EPB41L4A: variants seen among roughly 807,000 people sequenced by gnomAD.
EPB41L4A encodes erythrocyte membrane protein band 4.1 like 4A, also known as band 4.1-like protein 4A.
Under a neutral mutation model 108.6 loss-of-function variants are expected in EPB41L4A, and 100 were observed. The observed-to-expected ratio is 0.92, with a 90% CI of 0.78 to 1.09. The LOEUF is 1.09. Ranked by LOEUF, EPB41L4A falls within the 50% of genes least tolerant of loss-of-function variation. The probability of loss-of-function intolerance (pLI) is 0.00; values close to 1 mark genes in which losing one functional copy is unlikely to be tolerated. For synonymous variants in EPB41L4A, 319 were observed against 289.0 expected (o/e 1.10, Z -1.05); for missense variants, 1,030 against 842.7 (o/e 1.22, Z -2.75).
chr5:112,208,129 C>T (rs1033205598), intron 13 of EPB41L4A, among the ~76,000 whole-genome samples: 1 of 151,114 alleles, frequency 6.6e-6, no homozygotes, highest in African/African-American at 2.4e-5. Flanking sequence ...GCCTGTAGTC[C>T]CAGCTACTTG....
At chr5:112,179,031 A>G (rs982166383) in intron 18 of EPB41L4A, among the ~76,000 whole-genome samples, 3 of 152,076 alleles carry the variant, frequency 2.0e-5, no homozygotes, top group Admixed American at 6.5e-5. Flanking sequence ...TGGTGATATC[A>G]CAACAGATTT....
intron 1 of EPB41L4A, among the ~76,000 whole-genome samples, chr5:112,367,221 C>G (rs534248430): frequency 6.6e-6 from 1 of 152,316 alleles, no homozygotes; most frequent in African/African-American, 2.4e-5. Context: ...AGGCAAGAAC[C>G]TAACTCCTGG....
At chr5:112,309,832 T>C (rs551803222) in intron 1 of EPB41L4A, among the ~76,000 whole-genome samples, 1 of 152,280 alleles carries the variant, frequency 6.6e-6, no homozygotes, top group Non-Finnish European at 1.5e-5. Flanking sequence ...CACCCTTCCC[T>C]CTCACTTGAA....
intron 12 of EPB41L4A, among the ~76,000 whole-genome samples, chr5:112,219,842 C>T (rs773339283): frequency 1.3e-4 from 20 of 152,200 alleles, no homozygotes; most frequent in Admixed American, 2.6e-4. Context: ...ACTACAGATG[C>T]CCACCACCAC....
intron 1 of EPB41L4A, among the ~76,000 whole-genome samples, chr5:112,369,917 G>A (rs146284091): frequency 1.3e-3 from 202 of 152,326 alleles, no homozygotes; most frequent in Non-Finnish European, 2.0e-3. Context: ...CCACCTCTGA[G>A]GTGTAGGTCT....
At chr5:112,213,521 G>T (rs953432228) in intron 12 of EPB41L4A, among the ~76,000 whole-genome samples, 1 of 151,936 alleles carries the variant, frequency 6.6e-6, no homozygotes, top group Non-Finnish European at 1.5e-5. Flanking sequence ...GCTAATTTTT[G>T]TATTTTTAGT....
chr5:112,222,919 C>T (rs1463572468), intron 12 of EPB41L4A, among the ~76,000 whole-genome samples: 1 of 150,658 alleles, frequency 6.6e-6, no homozygotes, highest in South Asian at 2.1e-4. Context: ...CCAAGCAGGG[C>T]ACCTGCTCCA....
At chr5:112,152,581 C>A (rs1456158923) in intron 12 of EPB41L4A, among the ~76,000 whole-genome samples, 1 of 152,146 alleles carries the variant, frequency 6.6e-6, no homozygotes, top group Admixed American at 6.5e-5. Flanking sequence ...CCTCACCAAA[C>A]ACTGTGGCAC....
intron 1 of EPB41L4A, among the ~76,000 whole-genome samples, chr5:112,316,730 A>C (rs1755450992): frequency 6.6e-6 from 1 of 152,254 alleles, no homozygotes; most frequent in African/African-American, 2.4e-5. Context: ...TAAAGCAACA[A>C]GTTGCCTATA....
intron 1 of EPB41L4A, among the ~76,000 whole-genome samples, chr5:112,319,586 T>G (rs1755639754): frequency 6.6e-6 from 1 of 152,042 alleles, no homozygotes; most frequent in African/African-American, 2.4e-5. Flanking sequence ...AAAAAATAGA[T>G]AAGATGAAAT....
intron 1 of EPB41L4A, among the ~76,000 whole-genome samples, chr5:112,340,061 A>C (rs1254841078): frequency 6.6e-6 from 1 of 152,154 alleles, no homozygotes; most frequent in Non-Finnish European, 1.5e-5. Flanking sequence ...GTTCCCTCAT[A>C]TCCAATGCTC....
At chr5:112,247,888 C>T (rs956450146) in intron 9 of EPB41L4A, among the ~76,000 whole-genome samples, 1 of 152,042 alleles carries the variant, frequency 6.6e-6, no homozygotes, top group Non-Finnish European at 1.5e-5. Context: ...CACAGGATAC[C>T]TAACTTTTAA....
At chr5:112,203,724 A>C (rs1762327614) in intron 15 of EPB41L4A, among the ~76,000 whole-genome samples, 3 of 152,122 alleles carry the variant, frequency 2.0e-5, no homozygotes, top group African/African-American at 7.2e-5. Flanking sequence ...AGGTAGAAAC[A>C]CTTAATATGT....
chr5:112,415,791 A>G (rs1762678807), intron 1 of EPB41L4A, among the ~76,000 whole-genome samples: 1 of 152,144 alleles, frequency 6.6e-6, no homozygotes, highest in South Asian at 2.1e-4. Context: ...GGCTCAACAC[A>G]CAACCAATAG....
rs535607086 is a variant in EPB41L4A, at chr5:112,230,259, C to T, written c.1087+4375G>A. 3.0e-4 allele frequency among the ~76,000 whole-genome samples: 46 copies of T among 152,242 alleles called. No individual in the cohort carries two copies. In the South Asian group the frequency reaches 9.1e-3, roughly 30 times the overall value. On this transcript the variant is annotated intron_variant, in intron 12 of 22. Transcript: ENST00000261486. ...GGGCAGATACCCAATAATGGGATTG[C>T]TGGATCAAATGGTAGCTCTACTTTT... is the stretch of plus-strand genomic sequence containing the variant.
At chr5:112,313,694 C>CT (rs1554095773) in intron 1 of EPB41L4A, among the ~76,000 whole-genome samples, 2 of 151,712 alleles carry the variant, frequency 1.3e-5, no homozygotes, top group Admixed American at 1.3e-4. Flanking sequence ...TAGTCATTAC[C>CT]TTTTTTTGCT....
At chr5:112,218,641 T>C (rs1747819830) in intron 12 of EPB41L4A, among the ~76,000 whole-genome samples, 1 of 152,216 alleles carries the variant, frequency 6.6e-6, no homozygotes, top group African/African-American at 2.4e-5. Flanking sequence ...TTTTATTTGA[T>C]GCAATTTTAA....
intron 11 of EPB41L4A, among the ~76,000 whole-genome samples, chr5:112,239,109 G>A (rs1426345750): frequency 6.6e-6 from 1 of 152,074 alleles, no homozygotes; most frequent in Non-Finnish European, 1.5e-5. Flanking sequence ...ACATTAATGG[G>A]GCTAATATTA....
intron 1 of EPB41L4A, among the ~76,000 whole-genome samples, chr5:112,369,690 A>G (rs1383454598): frequency 6.6e-6 from 1 of 152,348 alleles, no homozygotes; most frequent in East Asian, 1.9e-4. Flanking sequence ...GGTTGCCACT[A>G]GGAAGCAGGA....
Sources: gnomAD v4.1 joint callset for allele counts (sites outside exome capture counted in the v4.1 genomes callset) on GRCh38, gnomAD v4.1.1 for gene constraint, MANE v1.5 for transcripts, NCBI Gene and HGNC (gene_info 2026-07-23, HGNC 2026-07-21) for gene names.